The following POLA2 variants were observed in gnomAD, a reference collection of about 807,000 sequenced individuals.
POLA2 encodes the protein DNA polymerase alpha 2, accessory subunit.
POLA2 carries 47 observed loss-of-function variants against 82.8 expected under a neutral mutation model. That is an observed-to-expected ratio of 0.57 (90% CI 0.45 to 0.72). POLA2 has a LOEUF of 0.72. POLA2 is among the 30% of genes least tolerant of loss of function. POLA2 has a pLI of 0.00. For missense variants in POLA2, 634 were observed against 728.1 expected (o/e 0.87, Z 1.49); for synonymous variants, 287 against 286.8 (o/e 1.00, Z -0.01).
intron 15 of POLA2, among the ~76,000 whole-genome samples, chr11:65,295,078 A>G (rs1205566536): frequency 6.6e-6 from 1 of 152,192 alleles, no homozygotes; most frequent in Non-Finnish European, 1.5e-5. Context: ...GCAGAGAATC[A>G]GGCCCTGACA....
In POLA2 at chr11:65,271,869, G is replaced by A. The variant is rs575261131; in HGVS notation, c.354+3140G>A. On this transcript the variant is annotated intron_variant, in intron 4 of 17. Transcript: ENST00000265465. The stretch of plus-strand genomic sequence containing the variant: ...AAAAAAAAAAAAAAAGTTTGTGACT[G>A]TGAATTCCACGCTAAATGAGTTGGA... 3.3e-5 allele frequency among the ~76,000 whole-genome samples: 5 copies of A among 151,376 alleles called. No homozygotes were observed. The East Asian group carries it at 9.7e-4, about 29-fold the overall frequency.
intron 17 of POLA2, 82 bp downstream of exon 17, chr11:65,296,072 C>A (rs537735717): frequency 4.6e-6 from 7 of 1,512,458 alleles, no homozygotes; most frequent in East Asian, 2.3e-5. Context: ...GCACTCACCC[C>A]TCATGGGTCA....
At chr11:65,287,542 G>A (rs1949709849) in intron 10 of POLA2, 174 bp from the exon 11 acceptor site, 1 of 473,342 alleles carries the variant, frequency 2.1e-6, no homozygotes, top group Admixed American at 3.8e-5. Context: ...CTATCACCTA[G>A]TGGAGTGTTC....
chr11:65,289,899 CCTTAAGCTTCTTAGGTTTCT>C, intron 13 of POLA2, 27 bp downstream of exon 13: 1 of 1,434,654 alleles, frequency 7.0e-7, no homozygotes, highest in Non-Finnish European at 9.8e-7. Flanking sequence ...CTGGACAGAA[CCTTAAGCTTCTTAGGTTTCT>C]CCAGAGCTTC....
At chr11:65,278,003 A>G (rs567891054) in intron 5 of POLA2, among the ~76,000 whole-genome samples, 1 of 152,366 alleles carries the variant, frequency 6.6e-6, no homozygotes, top group East Asian at 1.9e-4. Flanking sequence ...GTTTCAGTGC[A>G]TTAAACAAAG....
chr11:65,270,725 A>G (rs1416352785), intron 4 of POLA2, among the ~76,000 whole-genome samples: 1 of 152,124 alleles, frequency 6.6e-6, no homozygotes, highest in Admixed American at 6.6e-5. Context: ...GGTCCACAGC[A>G]TCATTGTCTC....
chr11:65,263,208 TTC>T (rs1194979792), intron 1 of POLA2, among the ~76,000 whole-genome samples: 22 of 149,360 alleles, frequency 1.5e-4, no homozygotes, highest in Non-Finnish European at 2.4e-4. Flanking sequence ...GCCCAGTGCC[TTC>T]TCTCTCTCTC....
At chr11:65,284,805 G>T (rs912415326) in intron 10 of POLA2, among the ~76,000 whole-genome samples, 2 of 152,108 alleles carry the variant, frequency 1.3e-5, no homozygotes, top group Non-Finnish European at 2.9e-5. Context: ...GGGATTACAG[G>T]CATGAGTCAC....
chr11:65,279,829 C>G (rs910970422), intron 7 of POLA2: 21 of 531,736 alleles, frequency 3.9e-5, no homozygotes, highest in African/African-American at 3.1e-4. Context: ...TGATTTTCTT[C>G]CCACTTGGAT....
downstream of POLA2, among the ~76,000 whole-genome samples, chr11:65,302,580 C>T (rs1489752990): frequency 6.6e-6 from 1 of 152,180 alleles, no homozygotes; most frequent in Non-Finnish European, 1.5e-5. Flanking sequence ...CCACTTTCCT[C>T]CTGAGGACTC....
intron 7 of POLA2, 119 bp from the exon 8 acceptor site, chr11:65,280,873 C>T (rs1949632752): frequency 4.1e-6 from 4 of 984,588 alleles, no homozygotes; most frequent in East Asian, 2.5e-5. Flanking sequence ...CAAAGCAATG[C>T]CCTGCCAAGA....
At chr11:65,303,361 AC>A (rs1431533055), downstream of POLA2, among the ~76,000 whole-genome samples, 5 of 149,690 alleles carry the variant, frequency 3.3e-5, no homozygotes, top group African/African-American at 9.8e-5. Context: ...AAAAAAAAAA[AC>A]CGAAGAAGGT....
At chr11:65,286,831 G>A (rs1054683620) in intron 10 of POLA2, among the ~76,000 whole-genome samples, 1 of 152,184 alleles carries the variant, frequency 6.6e-6, no homozygotes, top group African/African-American at 2.4e-5. Flanking sequence ...AGACTAACAA[G>A]AAAGCAGGAA....
intron 17 of POLA2, 63 bp from the exon 18 acceptor site, chr11:65,297,057 T>C: frequency 6.3e-7 from 1 of 1,580,718 alleles, no homozygotes; most frequent in Non-Finnish European, 8.7e-7. Flanking sequence ...GGCACTTCTT[T>C]TTCACATTGG....
chr11:65,278,588 A>G, intron 5 of POLA2, 142 bp from the exon 6 acceptor site: 1 of 684,006 alleles, frequency 1.5e-6, no homozygotes, highest in Non-Finnish European at 2.5e-6. Flanking sequence ...GGTATGTCCA[A>G]CCCCATTAAA....
chr11:65,287,392 A>G (rs1014528113), intron 10 of POLA2, among the ~76,000 whole-genome samples: 2 of 152,144 alleles, frequency 1.3e-5, no homozygotes, highest in Admixed American at 6.5e-5. Flanking sequence ...CTTGATCCCC[A>G]AAAATTCTCA....
Position 65,266,631 on chromosome 11 carries a change from C to T in POLA2, c.129C>T (p.Gly43=), listed in dbSNP as rs779231718. Residue 43 remains glycine (G), a synonymous_variant, in exon 2 of 18, where the codon GGC becomes GGT. Coordinates refer to ENST00000265465, the MANE Select transcript of POLA2 (RefSeq NM_002689.4). ...QYGQNEEGMV[G]ELIAFCTSTH... is the part of the protein sequence containing the mutation. ...GACAGAATGAGGAGGGAATGGTAGG[C>T]GAGCTTATAGCCTTCTGCACCAGCA... 6.2e-6 allele frequency: 10 copies of T among 1,613,770 alleles called. No individual in the cohort carries two copies. In the South Asian group the frequency reaches 8.8e-5, roughly 14 times the overall value.
At chr11:65,268,108 AAATAAT>A (rs1006423316) in intron 3 of POLA2, among the ~76,000 whole-genome samples, 1 of 151,690 alleles carries the variant, frequency 6.6e-6, no homozygotes, top group Non-Finnish European at 1.5e-5. Flanking sequence ...ACAAATTAAA[AAATAAT>A]AATAATAAGC....
chr11:65,294,640 A>G lies in POLA2; in HGVS notation c.1448A>G (p.Glu483Gly). The G allele has an allele frequency of 6.2e-7, 1 of 1,612,646 alleles. No individual in the cohort carries two copies. The highest frequency in any genetic ancestry group is 8.5e-7 in the Non-Finnish European group (1 of 1,178,806). The change falls in exon 15 of 18, where the codon GAG (glutamate) becomes GGG (glycine). Residue 483 changes from glutamate (E) to glycine (G), a missense_variant. Physicochemically the swap from Glu to Gly is moderately conservative, Grantham distance 98 (BLOSUM62 -2). Transcript: ENST00000265465. ...STDLLFHLGAEEISSSSGTSD... is the reference protein window; with the variant it reads ...STDLLFHLGAGEISSSSGTSD... ...GATCTGCTTTTCCACCTGGGGGCCG[A>G]GGAGATCAGTAGGTAAGAAGTGTGT...
Sources: allele counts gnomAD v4.1 joint callset (sites outside exome capture counted in the v4.1 genomes callset), GRCh38; gene constraint gnomAD v4.1.1; transcripts MANE v1.5; gene names NCBI Gene and HGNC (gene_info 2026-07-23, HGNC 2026-07-21).